Variants in TBC1D1 observed in about 807,000 individuals in gnomAD.
TBC1D1 encodes TBC1 domain family member 1, also known as TBC1 (tre-2/USP6, BUB2, cdc16) domain family, member 1.
TBC1D1 carries 89 observed loss-of-function variants against 125.6 expected under a neutral mutation model. The observed-to-expected ratio is 0.71, with a 90% CI of 0.60 to 0.85. The LOEUF (loss-of-function observed/expected upper bound fraction) is 0.85. Among genes scored for constraint, TBC1D1 ranks in the 40% least tolerant of loss-of-function variants. The probability of loss-of-function intolerance (pLI) is 0.00; values close to 1 mark genes in which losing one functional copy is unlikely to be tolerated. For synonymous variants in TBC1D1, 565 were observed against 564.1 expected, an observed-to-expected ratio of 1.00 and a Z score of -0.02; for missense variants, 1,377 against 1,469.2, an observed-to-expected ratio of 0.94 and a Z score of 1.03.
intron 12 of TBC1D1, among the ~76,000 whole-genome samples, chr4:38,084,242 T>C (rs1332154121): frequency 6.6e-6 from 1 of 152,232 alleles, no homozygotes; most frequent in African/African-American, 2.4e-5. Flanking sequence ...CCATGAATGT[T>C]GTCTTTAAAA....
intron 16 of TBC1D1, among the ~76,000 whole-genome samples, chr4:38,116,798 A>AT (rs1763060119): frequency 1.3e-5 from 2 of 152,192 alleles, no homozygotes; most frequent in Admixed American, 1.3e-4. Flanking sequence ...TGATATGTTC[A>AT]TTTACTACCA....
At chr4:37,896,640 A>G (rs1714694042) in intron 1 of TBC1D1, among the ~76,000 whole-genome samples, 1 of 152,066 alleles carries the variant, frequency 6.6e-6, no homozygotes, top group Admixed American at 6.6e-5. Context: ...TCAACTTCAC[A>G]CTTGAAAGTG....
chr4:38,021,536 A>C, intron 5 of TBC1D1, 50 bp from the exon 6 acceptor site: 1 of 1,442,908 alleles, frequency 6.9e-7, no homozygotes, highest in Non-Finnish European at 9.2e-7. Flanking sequence ...CAGCCCAGCT[A>C]ATTTCAAATT....
Position 37,972,953 on chromosome 4 carries a change from T to A in TBC1D1, c.418-41556T>A, listed in dbSNP as rs548344694. On this transcript the variant is annotated intron_variant, in intron 2 of 19. Transcript: ENST00000261439. ...AGTGTATTTGAGTATAGGATTAGAT[T>A]TTCTGATGTTAAGTTTCCTTTTGAT... Among the ~76,000 whole-genome samples, 346 of 152,202 alleles carry A rather than the reference T, an allele frequency of 2.3e-3. 1 individual carries two copies. The highest frequency in any genetic ancestry group is 7.6e-3 in the African/African-American group (317 of 41,520).
At chr4:38,126,870 A>T (rs562854983) in intron 18 of TBC1D1, among the ~76,000 whole-genome samples, 2 of 152,166 alleles carry the variant, frequency 1.3e-5, no homozygotes, top group Non-Finnish European at 2.9e-5. Context: ...CAGCTCTCCT[A>T]CACTGCCAAG....
intron 2 of TBC1D1, among the ~76,000 whole-genome samples, chr4:37,928,399 C>T (rs1417246595): frequency 6.6e-6 from 1 of 152,018 alleles, no homozygotes; most frequent in East Asian, 1.9e-4. Context: ...GGCATTTTCC[C>T]TCTTGGACAG....
chr4:38,069,061 G>T (rs1484415545), intron 12 of TBC1D1, among the ~76,000 whole-genome samples: 1 of 152,244 alleles, frequency 6.6e-6, no homozygotes, highest in East Asian at 1.9e-4. Context: ...TGCTTTCAAG[G>T]AATCCTAAAA....
At chr4:38,127,594 G>A (rs369369197) in intron 18 of TBC1D1, among the ~76,000 whole-genome samples, 58 of 152,234 alleles carry the variant, frequency 3.8e-4, no homozygotes, top group African/African-American at 1.3e-3. Flanking sequence ...ATGTTGGCCA[G>A]GCTGGTCTTG....
chr4:37,952,196 A>T (rs1478449359), intron 2 of TBC1D1: 5 of 654,790 alleles, frequency 7.6e-6, no homozygotes, highest in African/African-American at 7.2e-5. Flanking sequence ...CTGTGACTTC[A>T]CACGCGCTTG....
intron 2 of TBC1D1, among the ~76,000 whole-genome samples, chr4:37,953,425 T>A (rs947632583): frequency 6.6e-6 from 1 of 152,228 alleles, no homozygotes; most frequent in African/African-American, 2.4e-5. Context: ...AGAATCCTGC[T>A]CCTGTAGTTT....
chr4:38,035,811 A>T, intron 8 of TBC1D1, 113 bp downstream of exon 8: 2 of 792,840 alleles, frequency 2.5e-6, no homozygotes, highest in Non-Finnish European at 4.1e-6. Flanking sequence ...CCTATGTTTT[A>T]TTTTCCTTTG....
intron 16 of TBC1D1, among the ~76,000 whole-genome samples, chr4:38,116,429 C>T (rs990299047): frequency 1.3e-5 from 2 of 152,238 alleles, no homozygotes; most frequent in African/African-American, 2.4e-5. Flanking sequence ...GTGTTCCCCA[C>T]TTCCACCTTG....
chr4:38,011,533 T>G (rs1560613600), intron 2 of TBC1D1, among the ~76,000 whole-genome samples: 1 of 152,236 alleles, frequency 6.6e-6, no homozygotes. Flanking sequence ...TGCAATTTGT[T>G]GTTGAAACTA....
intron 2 of TBC1D1, among the ~76,000 whole-genome samples, chr4:37,931,132 T>C (rs553648430): frequency 6.6e-5 from 10 of 152,190 alleles, no homozygotes; most frequent in Admixed American, 4.6e-4. Context: ...AGATGGAGTC[T>C]CACTCTGTCA....
chr4:38,107,140 G>A (rs773384674), intron 15 of TBC1D1, among the ~76,000 whole-genome samples: 132 of 152,320 alleles, frequency 8.7e-4, no homozygotes, highest in Non-Finnish European at 1.6e-3. Context: ...TCTCTCTCCA[G>A]GCTTTTTCCA....
chr4:38,112,093 C>T, intron 15 of TBC1D1: 1 of 985,216 alleles, frequency 1.0e-6, no homozygotes, highest in African/African-American at 1.7e-5. Flanking sequence ...GAAGCCTTGA[C>T]CAGTTTGGGT....
Position 38,095,936 on chromosome 4 carries a change from A to G in TBC1D1, c.2244A>G (p.Glu748=). Reference sequence around the variant, plus strand: ...TGGAATGGTCTATTCCAGCCTCTGAAAATGATTTGCTGAACAAGCGCCTGA... The same window carrying G: ...TGGAATGGTCTATTCCAGCCTCTGAGAATGATTTGCTGAACAAGCGCCTGA... Residue 748 remains glutamate (E), a synonymous_variant, in exon 14 of 20, where the codon GAA becomes GAG. Coordinates refer to ENST00000261439, the MANE Select transcript of TBC1D1 (RefSeq NM_015173.4). 1.2e-6 allele frequency: 2 copies of G among 1,613,246 alleles called. No individual in the cohort carries two copies. Among genetic ancestry groups the G allele is most frequent in the Non-Finnish European group, 1.7e-6 (2 of 1,179,618 alleles).
intron 15 of TBC1D1, among the ~76,000 whole-genome samples, chr4:38,106,980 G>A (rs1212374698): frequency 6.9e-6 from 1 of 144,308 alleles, no homozygotes; most frequent in East Asian, 2.1e-4. Flanking sequence ...TCCCTCTGCT[G>A]CCCCCTTCTC....
chr4:37,908,670 T>C (rs891430787), intron 2 of TBC1D1, among the ~76,000 whole-genome samples: 1 of 152,168 alleles, frequency 6.6e-6, no homozygotes, highest in Non-Finnish European at 1.5e-5. Context: ...ATGTCATTAA[T>C]GTGAAAATGC....
Sources: allele counts gnomAD v4.1 joint callset (sites outside exome capture counted in the v4.1 genomes callset), GRCh38; gene constraint gnomAD v4.1.1; transcripts MANE v1.5; gene names NCBI Gene and HGNC (gene_info 2026-07-23, HGNC 2026-07-21).